Variants in PTPRS observed in about 807,000 individuals in gnomAD.
The protein encoded by PTPRS is receptor-type tyrosine-protein phosphatase S.
Under a neutral mutation model 215.3 loss-of-function variants are expected in PTPRS, and 63 were observed. That is an observed-to-expected ratio of 0.29 (90% CI 0.24 to 0.36). The LOEUF is 0.36. Among genes scored for constraint, PTPRS ranks in the 10% least tolerant of loss-of-function variants. The probability of loss-of-function intolerance (pLI) is 1.00; values close to 1 mark genes in which losing one functional copy is unlikely to be tolerated. For synonymous variants in PTPRS, 1,404 were observed against 1,191.4 expected (o/e 1.18, Z -3.68); for missense variants, 2,258 against 2,825.8 (o/e 0.80, Z 4.56).
intron 2 of PTPRS, 57 bp from the exon 3 acceptor site, chr19:5,274,401 A>G: frequency 6.5e-7 from 1 of 1,544,230 alleles, no homozygotes; most frequent in Non-Finnish European, 8.8e-7. Flanking sequence ...TCTGGCTAGG[A>G]TACCAAGGAG....
intron 23 of PTPRS, 109 bp downstream of exon 23, chr19:5,219,201 A>G: frequency 6.9e-7 from 1 of 1,440,742 alleles, no homozygotes; most frequent in Non-Finnish European, 9.5e-7. Context: ...CGGTTTCCCC[A>G]TGTGTACAAC....
chr19:5,268,641 T>A (rs1033546660), intron 4 of PTPRS, among the ~76,000 whole-genome samples: 1 of 152,046 alleles, frequency 6.6e-6, no homozygotes, highest in Admixed American at 6.6e-5. Flanking sequence ...GGTCACTGCT[T>A]GGATGGGAAA....
At chr19:5,245,673 G>A in intron 10 of PTPRS, 103 bp downstream of exon 10, 1 of 1,448,532 alleles carries the variant, frequency 6.9e-7, no homozygotes, top group Non-Finnish European at 9.1e-7. Context: ...GAAGCCAAGA[G>A]GGTAACTCGG....
rs1599468025 is a variant in PTPRS at position 5,223,001 on chromosome 19, G to A, written c.2791C>T (p.His931Tyr). The A allele has an allele frequency of 2.6e-6, 4 of 1,541,226 alleles. No individual in the cohort carries two copies. The African/African-American group carries it at 5.5e-5, about 21-fold the overall frequency. ...CCGGCCGCCTCCAGAATCTGCGGGT[G>A]GCCACGGGGCGTGTCCTCCGGGATG... ...LSIPEDTPRG[H>Y]PQILEAAGNA... The change falls in exon 18 of 38, where the codon CAC becomes TAC. Residue 931 changes from histidine (H) to tyrosine (Y), a missense_variant. By Grantham distance (83) the His-to-Tyr change is moderately conservative (BLOSUM62 2). Coordinates refer to ENST00000262963, the MANE Select transcript of PTPRS (RefSeq NM_002850.4).
intron 7 of PTPRS, among the ~76,000 whole-genome samples, chr19:5,258,338 C>T (rs1172772910): frequency 6.6e-6 from 1 of 152,190 alleles, no homozygotes; most frequent in East Asian, 1.9e-4. Context: ...CCTGGACACA[C>T]CAGATTCCCC....
chr19:5,218,314 A>C (rs2041669648), intron 25 of PTPRS, 106 bp downstream of exon 25: 2 of 883,622 alleles, frequency 2.3e-6, no homozygotes, highest in Non-Finnish European at 3.6e-6. Flanking sequence ...TGCACCAAGC[A>C]TAGTTCAGAG....
chr19:5,303,617 G>A (rs1049707787), intron 1 of PTPRS, among the ~76,000 whole-genome samples: 4 of 152,094 alleles, frequency 2.6e-5, no homozygotes, highest in Admixed American at 6.5e-5. Context: ...GGCTGGTCCA[G>A]AGAGCGGGCA....
chr19:5,337,556 C>G (rs1054766232), intron 1 of PTPRS, among the ~76,000 whole-genome samples: 1 of 152,210 alleles, frequency 6.6e-6, no homozygotes, highest in Non-Finnish European at 1.5e-5. Flanking sequence ...ACGCCAACCC[C>G]GAAGGCAGAA....
chr19:5,212,572 G>A (rs1009510991), intron 30 of PTPRS, 81 bp from the exon 31 acceptor site: 1 of 1,485,306 alleles, frequency 6.7e-7, no homozygotes, highest in Non-Finnish European at 9.1e-7. Context: ...GGCCGGGTGT[G>A]GTGGCTCATG....
intron 1 of PTPRS, among the ~76,000 whole-genome samples, chr19:5,292,962 G>A (rs1600040358): frequency 6.6e-6 from 1 of 152,144 alleles, no homozygotes; most frequent in African/African-American, 2.4e-5. Context: ...GAATGGGGGG[G>A]CGCCAGGCAG....
rs2044323623 is a variant in PTPRS at position 5,244,770 on chromosome 19, C to T, written c.989-288G>A. Reference sequence around the variant, plus strand: ...CTGCAAGCTCCGTCTCCCGGGTTCACACAATTCTCCTGCCTCAGCCTCCCG... The same window carrying T: ...CTGCAAGCTCCGTCTCCCGGGTTCATACAATTCTCCTGCCTCAGCCTCCCG... On this transcript the variant is annotated intron_variant, in intron 10 of 37. Coordinates refer to ENST00000262963, the MANE Select transcript of PTPRS (RefSeq NM_002850.4). The surrounding 1 kb of genome is among the most constrained non-coding windows in gnomAD (Gnocchi z 7.2). 6.6e-6 allele frequency among the ~76,000 whole-genome samples: 1 copy of T among 151,734 alleles called. No individual in the cohort carries two copies.
intron 1 of PTPRS, among the ~76,000 whole-genome samples, chr19:5,334,724 C>T (rs1282451740): frequency 1.3e-5 from 2 of 152,192 alleles, no homozygotes; most frequent in East Asian, 1.9e-4. Flanking sequence ...TCCTTCCAGG[C>T]GTTAGGAATC....
intron 1 of PTPRS, among the ~76,000 whole-genome samples, chr19:5,317,947 G>A (rs1198156167): frequency 2.0e-5 from 3 of 152,138 alleles, no homozygotes; most frequent in Admixed American, 6.5e-5. Context: ...CGAGGCGGGC[G>A]GACCATGAGG....
rs1054047470 is a variant in PTPRS at position 5,244,284 on chromosome 19, G to A, written c.1187C>T (p.Ser396Leu). ...RYSIGGLSPN[S>L]EYEIWVSAVN... is the part of the protein sequence containing the mutation. ...GGCCGACACCCAGATCTCGTACTCCGAGTTGGGGCTCAGGCCGCCGATGCT... is the reference window on the plus strand; with the variant it reads ...GGCCGACACCCAGATCTCGTACTCCAAGTTGGGGCTCAGGCCGCCGATGCT... The change falls in exon 11 of 38, where the codon TCG becomes TTG. Residue 396 changes from serine to leucine, a missense_variant. Ser to Leu is a moderately radical substitution (Grantham distance 145). Coordinates refer to ENST00000262963, the MANE Select transcript of PTPRS (RefSeq NM_002850.4). This position sits in a 1 kb window ranked among gnomAD's most constrained non-coding sequence, Gnocchi z 7.2. 2.5e-6 allele frequency: 4 copies of A among 1,614,126 alleles called. No individual in the cohort carries two copies. Among genetic ancestry groups the A allele is most frequent in the African/African-American group, 2.7e-5 (2 of 74,966 alleles).
intron 11 of PTPRS, among the ~76,000 whole-genome samples, chr19:5,242,262 GC>G (rs1482425369): frequency 2.6e-5 from 4 of 152,228 alleles, no homozygotes; most frequent in African/African-American, 9.6e-5. Flanking sequence ...AGCACACACA[GC>G]CCCCCTTGTC....
intron 12 of PTPRS, among the ~76,000 whole-genome samples, chr19:5,239,541 A>G (rs1228844307): frequency 1.3e-5 from 2 of 151,582 alleles, no homozygotes; most frequent in African/African-American, 2.4e-5. Context: ...GAAATTGAGA[A>G]GGAGACAGAT....
chr19:5,233,523 G>C (rs561244007), intron 13 of PTPRS, among the ~76,000 whole-genome samples: 4 of 150,948 alleles, frequency 2.6e-5, no homozygotes, highest in Admixed American at 6.6e-5. Flanking sequence ...CAAAATAATA[G>C]AGCATCTATT....
intron 1 of PTPRS, among the ~76,000 whole-genome samples, chr19:5,318,769 CA>C (rs2049947316): frequency 6.6e-6 from 1 of 152,208 alleles, no homozygotes. Flanking sequence ...CCTCCCGTCT[CA>C]ACCTCCCAAA....
intron 4 of PTPRS, among the ~76,000 whole-genome samples, chr19:5,265,403 T>A (rs8108784): frequency 0.61 from 92,704 of 152,030 alleles, 29,630 homozygotes; most frequent in East Asian, 0.81. Flanking sequence ...GTACAGTGGC[T>A]CGATCATAGC....
Sources: gnomAD v4.1 joint callset for allele counts (sites outside exome capture counted in the v4.1 genomes callset) on GRCh38, gnomAD v4.1.1 for gene constraint, Gnocchi (gnomAD v3.1) non-coding constraint, MANE v1.5 for transcripts, NCBI Gene and HGNC (gene_info 2026-07-23, HGNC 2026-07-21) for gene names.